The following CLUL1 variants were observed in gnomAD, a reference collection of about 807,000 sequenced individuals.
CLUL1 encodes the protein clusterin-like protein 1.
In CLUL1, 43 loss-of-function variants were observed where a neutral mutation model predicts 49.4. The ratio of observed to expected loss-of-function variants is 0.87; its 90% CI spans 0.68 to 1.12. The LOEUF is 1.12. Among genes scored for constraint, CLUL1 ranks in the 50% most tolerant of loss-of-function variants. The pLI is 0.00. For missense variants in CLUL1, 486 were observed against 544.4 expected, an observed-to-expected ratio of 0.89 and a Z score of 1.07; for synonymous variants, 192 against 184.9, an observed-to-expected ratio of 1.04 and a Z score of -0.31.
At chr18:645,137 A>C (rs747891819) in intron 9 of CLUL1, 40 bp downstream of exon 9, 1 of 1,435,288 alleles carries the variant, frequency 7.0e-7, no homozygotes, top group East Asian at 2.5e-5. Context: ...TGTTGACAGG[A>C]ATAGTTAATT....
intron 6 of CLUL1, 83 bp downstream of exon 6, chr18:627,612 G>C (rs1432666181): frequency 3.2e-6 from 3 of 946,812 alleles, no homozygotes; most frequent in Non-Finnish European, 4.7e-6. Context: ...AGACATTTCT[G>C]AGTCACATTG....
At chr18:611,548 C>T (rs2073136204) in intron 2 of CLUL1, among the ~76,000 whole-genome samples, 2 of 151,960 alleles carry the variant, frequency 1.3e-5, no homozygotes, top group Admixed American at 1.3e-4. Flanking sequence ...GCACTCTAGC[C>T]TGGGCAACAT....
chr18:623,851 A>G (rs1035594616), intron 4 of CLUL1, among the ~76,000 whole-genome samples: 8 of 152,184 alleles, frequency 5.3e-5, no homozygotes, highest in Admixed American at 3.9e-4. Flanking sequence ...AGCCAGGCAG[A>G]GAAGATGTGG....
chr18:637,761 G>A (rs1049027385), intron 7 of CLUL1, among the ~76,000 whole-genome samples: 3 of 151,972 alleles, frequency 2.0e-5, no homozygotes, highest in Middle Eastern at 3.2e-3. Context: ...GATCACCTGC[G>A]GTCAGGAGTT....
intron 2 of CLUL1, among the ~76,000 whole-genome samples, chr18:617,269 C>T (rs1189454007): frequency 1.3e-5 from 2 of 152,018 alleles, no homozygotes; most frequent in Non-Finnish European, 2.9e-5. Flanking sequence ...TAGCGAACCA[C>T]GTAGGTAAAA....
rs1199833926 is a variant in CLUL1, at chr18:641,442, C to A, written c.1110C>A (p.Asp370Glu). 6.2e-7 allele frequency: 1 copy of A among 1,614,196 alleles called. No individual in the cohort carries two copies. The highest frequency in any genetic ancestry group is 2.2e-5 in the East Asian group (1 of 44,874). The change falls in exon 8 of 10, where the codon GAC (aspartate) becomes GAA (glutamate). Residue 370 changes from aspartate (D) to glutamate (E), a missense_variant. Physicochemically the swap from Asp to Glu is conservative, Grantham distance 45 (BLOSUM62 2). Transcript: ENST00000692774. ...ILQMTRKHLEDTAYLVEKMRG... is the reference protein window; with the variant it reads ...ILQMTRKHLEETAYLVEKMRG... Reference sequence around the variant, plus strand: ...AGATGACCCGGAAGCACTTGGAGGACACCGCCTATCTGGTGGAGAAGATGA... The same window carrying A: ...AGATGACCCGGAAGCACTTGGAGGAAACCGCCTATCTGGTGGAGAAGATGA...
At chr18:615,895 A>G (rs2073273151) in intron 2 of CLUL1, among the ~76,000 whole-genome samples, 1 of 152,206 alleles carries the variant, frequency 6.6e-6, no homozygotes. Context: ...GATAAACTCC[A>G]GACTGCATGT....
intron 2 of CLUL1, among the ~76,000 whole-genome samples, chr18:610,346 G>A (rs2073097962): frequency 6.6e-6 from 1 of 152,132 alleles, no homozygotes; most frequent in Admixed American, 6.5e-5. Flanking sequence ...CAATACATCT[G>A]GCGGTCTGCT....
At chr18:600,119 C>A (rs1475476188) in intron 1 of CLUL1, among the ~76,000 whole-genome samples, 1 of 152,104 alleles carries the variant, frequency 6.6e-6, no homozygotes, top group Non-Finnish European at 1.5e-5. Context: ...CTGAACTCAG[C>A]AGTTGGGTTT....
chr18:603,843 G>A lies in CLUL1; in HGVS notation c.-135-3135G>A, dbSNP rs114332714. Among the ~76,000 whole-genome samples, 959 of 152,160 alleles carry A rather than the reference G, an allele frequency of 6.3e-3. 12 individuals carry two copies. The highest frequency in any genetic ancestry group is 0.022 in the African/African-American group (901 of 41,518). ...CATCTCTATAATTATTCTATTTCAC[G>A]AACATTTTGTAGATGGGTACATGCA... On this transcript the variant is annotated intron_variant, in intron 1 of 9. Coordinates refer to ENST00000692774, the MANE Select transcript of CLUL1 (RefSeq NM_001393344.1).
At chr18:648,106 G>C (rs1186634799) in intron 9 of CLUL1, among the ~76,000 whole-genome samples, 2 of 152,250 alleles carry the variant, frequency 1.3e-5, no homozygotes, top group Non-Finnish European at 2.9e-5. Flanking sequence ...AGGGCTCTGA[G>C]TGCTGGGCTG....
At chr18:647,159 G>A (rs189001369) in intron 9 of CLUL1, among the ~76,000 whole-genome samples, 78 of 152,248 alleles carry the variant, frequency 5.1e-4, no homozygotes, top group Non-Finnish European at 1.0e-3. Context: ...CCAAAAGGGG[G>A]GATGGCATGG....
chr18:614,351 A>G (rs62090076), intron 2 of CLUL1, among the ~76,000 whole-genome samples: 9,420 of 56,798 alleles, frequency 0.17, 979 homozygotes, highest in African/African-American at 0.32. Context: ...AAGGAAGGAA[A>G]GAAGGAAGGA....
Position 617,995 on chromosome 18 carries a change from G to T in CLUL1, c.-6G>T. The T allele has an allele frequency of 1.2e-6, 2 of 1,613,740 alleles. No homozygotes were observed. Among genetic ancestry groups the T allele is most frequent in the Non-Finnish European group, 8.5e-7 (1 of 1,179,770 alleles). On this transcript the variant is annotated 5_prime_UTR_variant, in exon 3 of 10. Transcript: ENST00000692774. ...TTTATTTTTCCTTTGCAGTAACAGCGGGAACATGAAGCCGCCACTCTTGGT... is the reference window on the plus strand; with the variant it reads ...TTTATTTTTCCTTTGCAGTAACAGCTGGAACATGAAGCCGCCACTCTTGGT...
chr18:645,808 AAAATAT>A (rs1286769159), intron 9 of CLUL1, among the ~76,000 whole-genome samples: 3 of 56,912 alleles, frequency 5.3e-5, no homozygotes, highest in Non-Finnish European at 9.9e-5. Flanking sequence ...AAAAAAAAAA[AAAATAT>A]ATATATATAT....
chr18:600,174 C>T (rs529369515), intron 1 of CLUL1, among the ~76,000 whole-genome samples: 1 of 151,266 alleles, frequency 6.6e-6, no homozygotes, highest in South Asian at 2.1e-4. Flanking sequence ...GCCTTTCCTA[C>T]CAAGATTCGA....
At chr18:628,493 C>G (rs940050794) in intron 6 of CLUL1, among the ~76,000 whole-genome samples, 2 of 152,130 alleles carry the variant, frequency 1.3e-5, no homozygotes. Flanking sequence ...ATACCGCATT[C>G]GAGAATGAGA....
rs1447819799 is a variant in CLUL1, at chr18:606,992, C to T, written c.-121C>T. On this transcript the variant is annotated 5_prime_UTR_variant, in exon 2 of 10. Transcript: ENST00000692774. This position sits in a 1 kb window ranked among gnomAD's most constrained non-coding sequence, Gnocchi z 4.1. The stretch of plus-strand genomic sequence containing the variant: ...CTTTTCTTTAGAGTTGCGTCCCTCT[C>T]GGTTGCCAGGCTGGAGTTCAGTGGC... 2.0e-5 allele frequency: 13 copies of T among 654,686 alleles called. No individual in the cohort carries two copies. The East Asian group carries it at 2.4e-4, about 12-fold the overall frequency. 40.6% of individuals were successfully genotyped at this position (654,686 alleles called of 1,614,324 possible).
intron 1 of CLUL1, among the ~76,000 whole-genome samples, chr18:599,769 A>C (rs141492101): frequency 2.0e-5 from 3 of 151,904 alleles, no homozygotes; most frequent in Non-Finnish European, 4.4e-5. Context: ...CATCTCTACT[A>C]AAAATACAAA....
Sources: gnomAD v4.1 joint callset for allele counts (sites outside exome capture counted in the v4.1 genomes callset) on GRCh38, gnomAD v4.1.1 for gene constraint, Gnocchi (gnomAD v3.1) non-coding constraint, MANE v1.5 for transcripts, NCBI Gene and HGNC (gene_info 2026-07-23, HGNC 2026-07-21) for gene names.